DENND1A: variants seen among roughly 807,000 people sequenced by gnomAD.
The protein encoded by DENND1A is DENN domain-containing protein 1A.
A neutral mutation model predicts 113.7 loss-of-function variants in DENND1A; 51 were observed. That is an observed-to-expected ratio of 0.45 (90% CI 0.36 to 0.57). The LOEUF is 0.57. DENND1A is among the 20% of genes least tolerant of loss of function. The pLI is 0.00. For synonymous variants in DENND1A, 565 were observed against 570.8 expected (o/e 0.99, Z 0.14); for missense variants, 1,258 against 1,395.9 (o/e 0.90, Z 1.57).
At chr9:123,399,610 A>G (rs1433336982) in intron 21 of DENND1A, among the ~76,000 whole-genome samples, 2 of 152,172 alleles carry the variant, frequency 1.3e-5, no homozygotes, top group African/African-American at 4.8e-5. Context: ...CTCAGGCACC[A>G]GTGCACATGG....
chr9:123,603,352 T>C lies in DENND1A; in HGVS notation c.765+6084A>G, dbSNP rs147197761. 5.4e-3 allele frequency among the ~76,000 whole-genome samples: 826 copies of C among 152,316 alleles called. 4 individuals are homozygous for C. Among genetic ancestry groups the C allele is most frequent in the African/African-American group, 0.019 (798 of 41,556 alleles). On this transcript the variant is annotated intron_variant, in intron 11 of 23. Coordinates refer to ENST00000394215, the MANE Select transcript of DENND1A (RefSeq NM_001352964.2). ...TATATTATTTTGTGTAAAAGCTCCA[T>C]AGTTAAATTGGGAACCTTGTTGTAG...
intron 6 of DENND1A, among the ~76,000 whole-genome samples, chr9:123,675,188 A>G (rs1229788459): frequency 6.6e-6 from 1 of 152,210 alleles, no homozygotes; most frequent in Non-Finnish European, 1.5e-5. Flanking sequence ...TTTGCCAGTG[A>G]GTAAATCTAT....
At chr9:123,864,554 C>T (rs1845550597) in intron 2 of DENND1A, among the ~76,000 whole-genome samples, 1 of 152,140 alleles carries the variant, frequency 6.6e-6, no homozygotes, top group South Asian at 2.1e-4. Flanking sequence ...CATTCCTCGC[C>T]CAGGGAGACG....
At chr9:123,440,309 CA>C in intron 19 of DENND1A, 50 bp downstream of exon 19, 1 of 1,554,290 alleles carries the variant, frequency 6.4e-7, no homozygotes, top group Non-Finnish European at 8.6e-7. Context: ...CTGCTAAAAA[CA>C]AAAATAAAAA....
intron 21 of DENND1A, chr9:123,402,486 A>AT (rs1204102815): frequency 1.9e-6 from 1 of 533,980 alleles, no homozygotes; most frequent in East Asian, 5.5e-5. Flanking sequence ...CTTCTTTCCC[A>AT]TTTTCTGAGA....
At chr9:123,484,411 C>G (rs2050612457) in intron 13 of DENND1A, among the ~76,000 whole-genome samples, 1 of 152,154 alleles carries the variant, frequency 6.6e-6, no homozygotes, top group Admixed American at 6.5e-5. Flanking sequence ...GGTACTGTCC[C>G]TCCCCTGCTT....
At chr9:123,472,574 C>T (rs1588698702) in intron 13 of DENND1A, among the ~76,000 whole-genome samples, 1 of 152,100 alleles carries the variant, frequency 6.6e-6, no homozygotes, top group Non-Finnish European at 1.5e-5. Flanking sequence ...AACAGTGCCT[C>T]GAGTGTCCAG....
intron 5 of DENND1A, among the ~76,000 whole-genome samples, chr9:123,679,031 A>T (rs970526954): frequency 1.3e-5 from 2 of 151,074 alleles, no homozygotes; most frequent in Non-Finnish European, 3.0e-5. Context: ...AGGATTACAA[A>T]TTTTTTTTTT....
At chr9:123,416,447 A>C (rs2044734174) in intron 19 of DENND1A, among the ~76,000 whole-genome samples, 1 of 152,234 alleles carries the variant, frequency 6.6e-6, no homozygotes, top group African/African-American at 2.4e-5. Context: ...AAGGAAGGTA[A>C]AACTGGAAGA....
At chr9:123,570,064 T>G in intron 12 of DENND1A, among the ~76,000 whole-genome samples, 1 of 152,288 alleles carries the variant, frequency 6.6e-6, no homozygotes, top group East Asian at 1.9e-4. Context: ...TAATTCCTGG[T>G]TCACACCTCC....
At chr9:123,382,674 A>AT (rs778444665) in intron 23 of DENND1A, 49 bp from the exon 24 acceptor site, 5 of 1,585,630 alleles carry the variant, frequency 3.2e-6, no homozygotes, top group Non-Finnish European at 3.5e-6. Flanking sequence ...GAGTTGGGAC[A>AT]TATGTGTGCC....
chr9:123,518,656 T>A (rs142468047), intron 13 of DENND1A, among the ~76,000 whole-genome samples: 1 of 152,286 alleles, frequency 6.6e-6, no homozygotes, highest in East Asian at 1.9e-4. Flanking sequence ...CCCATGGGAA[T>A]GGAGCTAGCA....
intron 2 of DENND1A, among the ~76,000 whole-genome samples, chr9:123,866,991 G>A (rs1336948063): frequency 6.6e-6 from 1 of 152,050 alleles, no homozygotes; most frequent in East Asian, 1.9e-4. Context: ...CTCAAATAAG[G>A]CTTCGTGATA....
intron 11 of DENND1A, 50 bp from the exon 12 acceptor site, chr9:123,583,320 GAC>G (rs1415353362): frequency 1.4e-6 from 2 of 1,385,646 alleles, no homozygotes; most frequent in African/African-American, 2.9e-5. Context: ...GTGCCATCAA[GAC>G]ACACTTCCCC....
intron 13 of DENND1A, among the ~76,000 whole-genome samples, chr9:123,513,960 G>C: frequency 6.6e-6 from 1 of 152,236 alleles, no homozygotes; most frequent in East Asian, 1.9e-4. Flanking sequence ...CAAAGTGCTG[G>C]TCACCAGATT....
At chr9:123,890,945 C>T (rs1286047694) in intron 1 of DENND1A, among the ~76,000 whole-genome samples, 3 of 152,048 alleles carry the variant, frequency 2.0e-5, no homozygotes, top group Non-Finnish European at 2.9e-5. Flanking sequence ...CCATGTAACC[C>T]CTATTCCACT....
chr9:123,743,863 C>G (rs2069233855), intron 5 of DENND1A, among the ~76,000 whole-genome samples: 1 of 151,978 alleles, frequency 6.6e-6, no homozygotes, highest in Admixed American at 6.6e-5. Flanking sequence ...GGTGACATGA[C>G]ATGTTTTGGC....
chr9:123,886,399 G>A (rs1849086523), intron 1 of DENND1A, among the ~76,000 whole-genome samples: 1 of 152,090 alleles, frequency 6.6e-6, no homozygotes, highest in Non-Finnish European at 1.5e-5. Context: ...GACCTGAAAC[G>A]AAATAGTTAT....
chr9:123,480,647 T>C (rs2050260036), intron 13 of DENND1A, among the ~76,000 whole-genome samples: 1 of 152,150 alleles, frequency 6.6e-6, no homozygotes, highest in Non-Finnish European at 1.5e-5. Context: ...CCCATAGCAC[T>C]CTAAGCTTAC....
Sources: gnomAD v4.1 joint callset for allele counts (sites outside exome capture counted in the v4.1 genomes callset) on GRCh38, gnomAD v4.1.1 for gene constraint, MANE v1.5 for transcripts, NCBI Gene and HGNC (gene_info 2026-07-23, HGNC 2026-07-21) for gene names.